PTK2: variants seen among roughly 807,000 people sequenced by gnomAD.
PTK2 encodes the protein focal adhesion kinase 1.
Under a neutral mutation model 150.1 loss-of-function variants are expected in PTK2, and 45 were observed. The observed-to-expected ratio is 0.30, with a 90% CI of 0.24 to 0.38. The LOEUF is 0.38. Among genes scored for constraint, PTK2 ranks in the 10% least tolerant of loss-of-function variants. PTK2 has a pLI of 1.00. For synonymous variants in PTK2, 432 were observed against 449.2 expected (o/e 0.96, Z 0.48); for missense variants, 919 against 1,307.3 (o/e 0.70, Z 4.58).
chr8:140,998,818 C>CA (rs959649621), intron 1 of PTK2, among the ~76,000 whole-genome samples: 3,755 of 52,696 alleles, frequency 0.071, 119 homozygotes, highest in African/African-American at 0.15. Flanking sequence ...GACTCCGTCT[C>CA]AAAAAAAAAA....
At position 140,744,585 on chromosome 8, in the gene PTK2, A is replaced by G. The variant is rs1019417402; in HGVS notation, c.1634+67T>C. The G allele has an allele frequency of 6.7e-6, 7 of 1,039,038 alleles. No individual in the cohort carries two copies. In the East Asian group the frequency reaches 1.7e-4, roughly 25 times the overall value. The allele number at this position is 1,039,038 out of a possible 1,614,324, so 64.4% of individuals were successfully genotyped here. ...CCAAAAGGGTCCAAAGACGGTCCAA[A>G]TGGGTCCCTGTTTCTTGATCACTAC... On this transcript the variant is annotated intron_variant, in intron 19 of 31. Coordinates refer to ENST00000522684, the Ensembl canonical transcript of PTK2.
At chr8:140,974,243 C>A (rs933410312) in intron 1 of PTK2, among the ~76,000 whole-genome samples, 1 of 152,118 alleles carries the variant, frequency 6.6e-6, no homozygotes, top group African/African-American at 2.4e-5. Flanking sequence ...CATGACAGCA[C>A]GATTTAGGGA....
intron 31 of PTK2, chr8:140,660,773 C>A: frequency 2.9e-6 from 1 of 346,008 alleles, no homozygotes; most frequent in South Asian, 2.2e-5. Flanking sequence ...ATGGTGGAAG[C>A]AGCTAATGAA....
intron 31 of PTK2, among the ~76,000 whole-genome samples, chr8:140,661,856 C>G (rs1052233003): frequency 7.9e-5 from 12 of 152,184 alleles, no homozygotes; most frequent in African/African-American, 2.9e-4. Flanking sequence ...CTGGAATGCT[C>G]TGAGCTGGCG....
chr8:140,879,675 T>TTAAA, intron 3 of PTK2, 38 bp from the exon 4 acceptor site: 6 of 37,150 alleles, frequency 1.6e-4, no homozygotes, highest in Non-Finnish European at 2.6e-4. Context: ...TGTTATAAAC[T>TTAAA]GAAAAAAAAA....
At chr8:140,698,550 T>G (rs528618430) in intron 26 of PTK2, among the ~76,000 whole-genome samples, 61 of 152,156 alleles carry the variant, frequency 4.0e-4, no homozygotes, top group African/African-American at 1.4e-3. Flanking sequence ...ACCTCCTGGG[T>G]TCAAGCAATT....
chr8:140,691,612 G>T (rs1432269410), intron 26 of PTK2, among the ~76,000 whole-genome samples: 1 of 152,188 alleles, frequency 6.6e-6, no homozygotes, highest in Non-Finnish European at 1.5e-5. Flanking sequence ...TTACCTGCTA[G>T]AACACCGGAC....
intron 2 of PTK2, among the ~76,000 whole-genome samples, chr8:140,903,723 C>T (rs1027740272): frequency 6.6e-6 from 1 of 152,082 alleles, no homozygotes; most frequent in East Asian, 1.9e-4. Flanking sequence ...CTTCACATCC[C>T]TTGTAAGATG....
intron 2 of PTK2, chr8:140,920,959 C>T (rs1042783921): frequency 7.1e-7 from 1 of 1,409,880 alleles, no homozygotes; most frequent in East Asian, 2.9e-5. Context: ...CACACAAAGT[C>T]CCAGTTCCTC....
intron 8 of PTK2, among the ~76,000 whole-genome samples, chr8:140,824,372 TGA>T (rs1266149775): frequency 6.6e-6 from 1 of 152,094 alleles, no homozygotes; most frequent in Non-Finnish European, 1.5e-5. Flanking sequence ...ACCCAAGAAG[TGA>T]GAGCAACAAA....
At chr8:140,906,630 T>C (rs534381594) in intron 2 of PTK2, among the ~76,000 whole-genome samples, 6 of 151,878 alleles carry the variant, frequency 4.0e-5, no homozygotes, top group African/African-American at 1.4e-4. Flanking sequence ...CATGGAAGTA[T>C]AGAGTAGAGT....
chr8:140,896,683 A>AAACTGG (rs910396449), intron 2 of PTK2, among the ~76,000 whole-genome samples: 1 of 151,336 alleles, frequency 6.6e-6, no homozygotes, highest in Non-Finnish European at 1.5e-5. Context: ...TCCCCTCCCC[A>AAACTGG]AACTGGAAAT....
At chr8:140,751,573 C>CCTCCCTCT (rs1195037890) in intron 17 of PTK2, among the ~76,000 whole-genome samples, 1 of 151,984 alleles carries the variant, frequency 6.6e-6, no homozygotes, top group African/African-American at 2.4e-5. Context: ...CTTACTGCAA[C>CCTCCCTCT]CTCCCTCTCT....
At chr8:140,886,147 G>A (rs1017682846) in intron 3 of PTK2, among the ~76,000 whole-genome samples, 2 of 152,164 alleles carry the variant, frequency 1.3e-5, no homozygotes, top group Non-Finnish European at 2.9e-5. Context: ...TATGGCTTGA[G>A]AGCAAAAGAG....
intron 7 of PTK2, among the ~76,000 whole-genome samples, chr8:140,845,597 T>C (rs2100124916): frequency 6.6e-6 from 1 of 152,224 alleles, no homozygotes; most frequent in South Asian, 2.1e-4. Flanking sequence ...CACATTATGT[T>C]ATAATTTTGC....
chr8:140,896,045 T>C (rs1189662832), intron 2 of PTK2, among the ~76,000 whole-genome samples: 1 of 152,074 alleles, frequency 6.6e-6, no homozygotes, highest in Non-Finnish European at 1.5e-5. Flanking sequence ...AGGTAAGAGA[T>C]AATGAGTAAT....
chr8:140,760,220 C>T (rs1426058892), intron 16 of PTK2, among the ~76,000 whole-genome samples: 1 of 151,970 alleles, frequency 6.6e-6, no homozygotes, highest in African/African-American at 2.4e-5. Context: ...GACTCCGTCT[C>T]ACCAAAAAAC....
At chr8:140,781,315 G>T (rs957258106) in intron 14 of PTK2, among the ~76,000 whole-genome samples, 3 of 152,158 alleles carry the variant, frequency 2.0e-5, no homozygotes, top group African/African-American at 2.4e-5. Flanking sequence ...AAAAGATTGA[G>T]AAGTTTATTA....
At chr8:140,883,537 T>G (rs1342414155) in intron 3 of PTK2, among the ~76,000 whole-genome samples, 2 of 152,214 alleles carry the variant, frequency 1.3e-5, no homozygotes, top group African/African-American at 2.4e-5. Flanking sequence ...TAGTATAGTG[T>G]TTCTTTTTCT....
Sources: gnomAD v4.1 joint callset for allele counts (sites outside exome capture counted in the v4.1 genomes callset) on GRCh38, gnomAD v4.1.1 for gene constraint, MANE v1.5 for transcripts, NCBI Gene and HGNC (gene_info 2026-07-23, HGNC 2026-07-21) for gene names.